The following SEL1L3 variants were observed in gnomAD, a reference collection of about 807,000 sequenced individuals.
SEL1L3 encodes SEL1L family member 3, also known as protein sel-1 homolog 3.
A neutral mutation model predicts 142.8 loss-of-function variants in SEL1L3; 76 were observed. The ratio of observed to expected loss-of-function variants is 0.53; its 90% CI spans 0.44 to 0.64. The LOEUF is 0.64. SEL1L3 is among the 30% of genes least tolerant of loss of function. The pLI is 0.00. For missense variants in SEL1L3, 1,262 were observed against 1,381.7 expected (o/e 0.91, Z 1.37); for synonymous variants, 504 against 519.6 (o/e 0.97, Z 0.41).
At chr4:25,722,839 T>C in the SEL1L3 span, among the ~76,000 whole-genome samples, 1 of 152,088 alleles carries the variant, frequency 6.6e-6, no homozygotes. Context: ...AGTCAGTCAA[T>C]ATTGCAAACC....
At chr4:25,772,835 T>C (rs1719325034) in intron 17 of SEL1L3, among the ~76,000 whole-genome samples, 1 of 152,174 alleles carries the variant, frequency 6.6e-6, no homozygotes, top group Non-Finnish European at 1.5e-5. Context: ...TCTTGCTCTG[T>C]TGCCCAGGCT....
intron 21 of SEL1L3, among the ~76,000 whole-genome samples, chr4:25,758,433 T>C (rs1184488020): frequency 1.3e-5 from 2 of 152,160 alleles, no homozygotes; most frequent in African/African-American, 4.8e-5. Flanking sequence ...ATCGCACCAC[T>C]GCACTCCAGC....
chr4:25,772,346 G>A (rs1719283730), intron 17 of SEL1L3, among the ~76,000 whole-genome samples: 1 of 152,010 alleles, frequency 6.6e-6, no homozygotes, highest in South Asian at 2.1e-4. Context: ...ATCAAGATTA[G>A]CAAAGATATG....
the SEL1L3 span, among the ~76,000 whole-genome samples, chr4:25,734,650 C>A: frequency 6.6e-6 from 1 of 152,046 alleles, no homozygotes; most frequent in African/African-American, 2.4e-5. Flanking sequence ...CTTACTGCAA[C>A]CTCTGCCTCC....
intron 7 of SEL1L3, among the ~76,000 whole-genome samples, 180 bp downstream of exon 7, chr4:25,821,816 T>C (rs546620053): frequency 1.3e-5 from 2 of 152,284 alleles, no homozygotes; most frequent in South Asian, 2.1e-4. Context: ...ATGAACCAAA[T>C]GTTAACAGAA....
intron 23 of SEL1L3, among the ~76,000 whole-genome samples, chr4:25,754,273 G>A (rs1477160222): frequency 6.6e-6 from 1 of 151,444 alleles, no homozygotes; most frequent in Non-Finnish European, 1.5e-5. Flanking sequence ...TTGCACTCCA[G>A]CCTGGGCAAC....
chr4:25,821,675 A>G (rs1187867278), intron 7 of SEL1L3, among the ~76,000 whole-genome samples: 6 of 152,272 alleles, frequency 3.9e-5, no homozygotes, highest in Admixed American at 1.3e-4. Context: ...GGTTTACCAA[A>G]TAACTAAGAT....
At chr4:25,793,339 G>A (rs1303092675) in intron 11 of SEL1L3, among the ~76,000 whole-genome samples, 5 of 152,130 alleles carry the variant, frequency 3.3e-5, no homozygotes, top group Non-Finnish European at 7.3e-5. Context: ...CTGGATTGCA[G>A]TGGCACGATC....
At chr4:25,799,008 T>C (rs147048422) in intron 11 of SEL1L3, among the ~76,000 whole-genome samples, 1 of 152,146 alleles carries the variant, frequency 6.6e-6, no homozygotes, top group East Asian at 1.9e-4. Flanking sequence ...CCTCCTTGGC[T>C]TGCAGATGGC....
intron 23 of SEL1L3, among the ~76,000 whole-genome samples, chr4:25,755,108 G>T (rs1407589847): frequency 6.6e-6 from 1 of 151,940 alleles, no homozygotes; most frequent in Non-Finnish European, 1.5e-5. Context: ...TTTAGAGACT[G>T]GGTCTCATTC....
At chr4:25,756,637 C>T (rs1200635243) in intron 23 of SEL1L3, 2 of 1,004,060 alleles carry the variant, frequency 2.0e-6, no homozygotes, top group Non-Finnish European at 1.2e-6. Context: ...ACTCTAAGCC[C>T]AAACAGAAGC....
intron 20 of SEL1L3, chr4:25,759,489 C>A: frequency 6.2e-6 from 1 of 162,424 alleles, no homozygotes; most frequent in Non-Finnish European, 1.4e-5. Flanking sequence ...GTGGCTAGGG[C>A]GGCTTCCAAT....
chr4:25,833,625 A>G, intron 3 of SEL1L3, 56 bp from the exon 4 acceptor site: 1 of 1,477,300 alleles, frequency 6.8e-7, no homozygotes, highest in Non-Finnish European at 9.1e-7. Context: ...AAGAACAGGT[A>G]ATTATGGTTA....
chr4:25,760,752 C>T (rs780346320), intron 20 of SEL1L3, among the ~76,000 whole-genome samples: 1 of 152,200 alleles, frequency 6.6e-6, no homozygotes, highest in African/African-American at 2.4e-5. Context: ...TCACAACCAT[C>T]GTATGTCGCA....
chr4:25,768,469 C>T (rs1401893806), intron 17 of SEL1L3, among the ~76,000 whole-genome samples: 1 of 152,210 alleles, frequency 6.6e-6, no homozygotes, highest in African/African-American at 2.4e-5. Context: ...TGGACATACT[C>T]TACAACTACT....
intron 21 of SEL1L3, 83 bp downstream of exon 21, chr4:25,758,858 G>C: frequency 8.0e-6 from 11 of 1,379,718 alleles, no homozygotes; most frequent in Admixed American, 2.2e-5. Context: ...ACAATATAAG[G>C]GTAAAGCTAA....
chr4:25,721,944 AC>A, the SEL1L3 span, among the ~76,000 whole-genome samples: 5 of 152,192 alleles, frequency 3.3e-5, no homozygotes, highest in African/African-American at 9.7e-5. Context: ...GAGAGGACAA[AC>A]TTTTACACTA....
rs117875961 is a variant in SEL1L3 at position 25,846,269 on chromosome 4, G to A, written c.733+1025C>T. ...TTAAGGGAGGCTGCAGAAGGGCCTT[G>A]GAGCCTCCGGGATTGGTCCTGCTGA... On this transcript the variant is annotated intron_variant, in intron 2 of 23. Coordinates refer to ENST00000399878, the MANE Select transcript of SEL1L3 (RefSeq NM_015187.5). Among the ~76,000 whole-genome samples, 1,014 of 152,292 alleles carry A rather than the reference G, an allele frequency of 6.7e-3. 37 individuals are homozygous for A. The South Asian group carries it at 0.088, about 13-fold the overall frequency.
chr4:25,807,812 A>G (rs73115729), intron 9 of SEL1L3, among the ~76,000 whole-genome samples: 2 of 152,254 alleles, frequency 1.3e-5, no homozygotes, highest in African/African-American at 4.8e-5. Flanking sequence ...CAAAAAGGGA[A>G]TCCTTCACAA....
Sources: gnomAD v4.1 joint callset for allele counts (sites outside exome capture counted in the v4.1 genomes callset) on GRCh38, gnomAD v4.1.1 for gene constraint, MANE v1.5 for transcripts, NCBI Gene and HGNC (gene_info 2026-07-23, HGNC 2026-07-21) for gene names.